CCM2: variants seen among roughly 807,000 people sequenced by gnomAD.
The protein encoded by CCM2 is cerebral cavernous malformations 2 protein.
CCM2 carries 25 observed loss-of-function variants against 44.9 expected under a neutral mutation model. That is an observed-to-expected ratio of 0.56 (90% confidence interval 0.41 to 0.78). The LOEUF (loss-of-function observed/expected upper bound fraction) is 0.78, where lower values mean the gene tolerates loss of function less well. Among genes scored for constraint, CCM2 ranks in the 30% least tolerant of loss-of-function variants. The pLI is 0.00. For missense variants in CCM2, 481 were observed against 580.6 expected, an observed-to-expected ratio of 0.83 and a Z score of 1.76; for synonymous variants, 219 against 241.1, an observed-to-expected ratio of 0.91 and a Z score of 0.85.
intron 1 of CCM2, among the ~76,000 whole-genome samples, chr7:45,014,367 C>G (rs1459343954): frequency 6.6e-6 from 1 of 152,170 alleles, no homozygotes; most frequent in Non-Finnish European, 1.5e-5. Flanking sequence ...TCTCGAACTC[C>G]TGACCTCGTG....
intron 2 of CCM2, 31 bp downstream of exon 2, chr7:45,038,457 G>C (rs751679565): frequency 6.2e-7 from 1 of 1,611,224 alleles, no homozygotes; most frequent in Non-Finnish European, 8.5e-7. Context: ...GGACGTGCCT[G>C]CCAAACGACA....
intron 1 of CCM2, chr7:45,027,744 T>G (rs1796755425): frequency 1.2e-6 from 2 of 1,614,192 alleles, no homozygotes; most frequent in African/African-American, 1.3e-5. Flanking sequence ...CCAGAATCTC[T>G]CCAAAGAAAT....
Position 45,016,623 on chromosome 7 carries a change from C to T in CCM2, c.30+16260C>T, listed in dbSNP as rs147758765. 6.4e-4 allele frequency among the ~76,000 whole-genome samples: 96 copies of T among 150,296 alleles called. 1 individual carries two copies. The East Asian group carries it at 0.015, about 24-fold the overall frequency. ...GGATTACAGGCATGAGCCACTGTGC[C>T]TGGCCCAAACATGCATCTTTTTTTT... is the stretch of plus-strand genomic sequence containing the variant. On this transcript the variant is annotated intron_variant, in intron 1 of 9. Transcript: ENST00000258781.
At chr7:45,029,753 G>A (rs1796869986) in intron 1 of CCM2, among the ~76,000 whole-genome samples, 1 of 152,258 alleles carries the variant, frequency 6.6e-6, no homozygotes, top group South Asian at 2.1e-4. Context: ...TGGCATCTGA[G>A]GGCCAGCCTT....
chr7:45,045,293 G>T (rs1451774142), intron 2 of CCM2, among the ~76,000 whole-genome samples: 2 of 152,122 alleles, frequency 1.3e-5, no homozygotes, highest in Non-Finnish European at 2.9e-5. Context: ...AATCACCTTG[G>T]AACTTTTGTA....
chr7:45,043,279 C>T (rs748536178), intron 2 of CCM2, among the ~76,000 whole-genome samples: 10 of 152,078 alleles, frequency 6.6e-5, no homozygotes, highest in Non-Finnish European at 1.3e-4. Flanking sequence ...TATTTTCTGA[C>T]TCATTTTGTA....
chr7:45,070,264 G>T, intron 6 of CCM2: 1 of 416,374 alleles, frequency 2.4e-6, no homozygotes, highest in African/African-American at 2.0e-5. Context: ...TCGGAACAAA[G>T]AGCTTGGAGA....
Position 45,076,192 on chromosome 7 carries a change from G to A in CCM2, c.*135G>A. ...CGCCCGGTGCAGATGGCCCCGGGCG[G>A]CCCAGGTCCTCTACTGTGAAGGAGC... On this transcript the variant is annotated 3_prime_UTR_variant, in exon 10 of 10. Transcript: ENST00000258781. The A allele has an allele frequency of 4.8e-6, 6 of 1,254,208 alleles. No individual in the cohort carries two copies. Among genetic ancestry groups the A allele is most frequent in the East Asian group, 2.5e-5 (1 of 39,800 alleles). 77.7% of individuals were successfully genotyped at this position (1,254,208 alleles called of 1,614,324 possible).
chr7:45,014,376 T>A (rs1018934456), intron 1 of CCM2, among the ~76,000 whole-genome samples: 10 of 152,278 alleles, frequency 6.6e-5, no homozygotes, highest in Middle Eastern at 3.4e-3. Flanking sequence ...CCTGACCTCG[T>A]GATCCGCCCA....
At chr7:45,030,053 G>A (rs1796888223) in intron 1 of CCM2, among the ~76,000 whole-genome samples, 1 of 152,150 alleles carries the variant, frequency 6.6e-6, no homozygotes, top group African/African-American at 2.4e-5. Context: ...CCCTCCTCCT[G>A]GCTCCGTACT....
intron 2 of CCM2, among the ~76,000 whole-genome samples, chr7:45,039,259 TAAGG>T (rs939908987): frequency 2.6e-5 from 4 of 152,216 alleles, no homozygotes; most frequent in African/African-American, 9.6e-5. Flanking sequence ...AGACAGAAGA[TAAGG>T]AAGTCAAGTC....
intron 2 of CCM2, among the ~76,000 whole-genome samples, chr7:45,049,251 C>T (rs920607241): frequency 1.1e-4 from 16 of 152,196 alleles, no homozygotes; most frequent in South Asian, 4.1e-4. Context: ...CCACCATGTC[C>T]GGCCTATTAT....
In CCM2 at chr7:45,064,623, C is replaced by T; in HGVS notation, c.449C>T (p.Ala150Val). 6.2e-7 allele frequency: 1 copy of T among 1,613,946 alleles called. No individual in the cohort carries two copies. Among genetic ancestry groups the T allele is most frequent in the East Asian group, 2.2e-5 (1 of 44,884 alleles). The change falls in exon 4 of 10, where the codon GCA becomes GTA. Residue 150 changes from alanine (A) to valine (V), a missense_variant. Ala to Val is a moderately conservative substitution (Grantham distance 64). Transcript: ENST00000258781. ...GTCTCCTATGTTCGGGATGACGCTG[C>T]ACACCTGGTGGTCCTGAAGACAGGT... ...AAVSYVRDDA[A>V]HLVVLKTAQD...
chr7:45,051,408 T>C (rs1012437334), intron 2 of CCM2, among the ~76,000 whole-genome samples: 3 of 136,476 alleles, frequency 2.2e-5, no homozygotes, highest in African/African-American at 8.3e-5. Flanking sequence ...TTTATTTATT[T>C]ATTTATTGAG....
chr7:45,020,026 C>T (rs1438107793), intron 1 of CCM2, among the ~76,000 whole-genome samples: 1 of 152,128 alleles, frequency 6.6e-6, no homozygotes, highest in Non-Finnish European at 1.5e-5. Context: ...TCCTCCTTTC[C>T]TATATTTCCC....
At chr7:45,069,416 T>C (rs1168624234) in intron 5 of CCM2, among the ~76,000 whole-genome samples, 2 of 152,262 alleles carry the variant, frequency 1.3e-5, no homozygotes, top group East Asian at 1.9e-4. Context: ...CACACTGTTA[T>C]AAAACTGTTT....
intron 2 of CCM2, among the ~76,000 whole-genome samples, chr7:45,045,383 T>TAA (rs35720008): frequency 5.9e-5 from 9 of 152,022 alleles, no homozygotes; most frequent in Admixed American, 3.9e-4. Flanking sequence ...AATCACCGCT[T>TAA]AAAAAAATGT....
intron 2 of CCM2, among the ~76,000 whole-genome samples, chr7:45,052,995 CTT>C (rs537930651): frequency 2.6e-5 from 4 of 152,190 alleles, no homozygotes; most frequent in Non-Finnish European, 5.9e-5. Flanking sequence ...TATTACGTCT[CTT>C]ATATTCAGGG....
At chr7:45,065,313 G>T (rs752137844) in intron 4 of CCM2, among the ~76,000 whole-genome samples, 35 of 152,312 alleles carry the variant, frequency 2.3e-4, no homozygotes, top group Non-Finnish European at 4.0e-4. Flanking sequence ...ACCATGGTTC[G>T]CCCTACCTGT....
Sources: gnomAD v4.1 joint callset for allele counts (sites outside exome capture counted in the v4.1 genomes callset) on GRCh38, gnomAD v4.1.1 for gene constraint, MANE v1.5 for transcripts, NCBI Gene and HGNC (gene_info 2026-07-23, HGNC 2026-07-21) for gene names.